The following TTC17 variants were observed in gnomAD, a reference collection of about 807,000 sequenced individuals.
TTC17 encodes tetratricopeptide repeat domain 17.
A neutral mutation model predicts 143.8 loss-of-function variants in TTC17; 58 were observed. That is an observed-to-expected ratio of 0.40 (90% CI 0.33 to 0.50). The LOEUF (loss-of-function observed/expected upper bound fraction) is 0.50. Among genes scored for constraint, TTC17 ranks in the 20% least tolerant of loss-of-function variants. The pLI is 0.49. For synonymous variants in TTC17, 501 were observed against 497.8 expected, an observed-to-expected ratio of 1.01 and a Z score of -0.09; for missense variants, 1,273 against 1,392.5, an observed-to-expected ratio of 0.91 and a Z score of 1.37.
intron 10 of TTC17, among the ~76,000 whole-genome samples, chr11:43,403,683 C>G (rs1460794623): frequency 7.4e-6 from 1 of 134,552 alleles, no homozygotes; most frequent in African/African-American, 2.5e-5. Context: ...AATAATGAAC[C>G]AGATTTCTCA....
intron 15 of TTC17, among the ~76,000 whole-genome samples, chr11:43,412,605 A>G (rs1858467737): frequency 3.3e-5 from 5 of 152,202 alleles, no homozygotes; most frequent in Admixed American, 3.3e-4. Context: ...CTGAAATCCC[A>G]AACATTCCAA....
At chr11:43,490,535 T>A (rs930570968) in intron 22 of TTC17, among the ~76,000 whole-genome samples, 177 bp downstream of exon 22, 5 of 152,206 alleles carry the variant, frequency 3.3e-5, no homozygotes, top group African/African-American at 4.8e-5. Flanking sequence ...CTATGAACTA[T>A]CCCTGCTGCC....
chr11:43,446,028 C>T (rs2134738930), intron 18 of TTC17: 5 of 1,531,396 alleles, frequency 3.3e-6, no homozygotes, highest in Non-Finnish European at 3.5e-6. Flanking sequence ...CCTTGTGAAC[C>T]AGATGGAGAG....
intron 1 of TTC17, 73 bp downstream of exon 1, chr11:43,359,186 C>T (rs1855987832): frequency 1.4e-6 from 2 of 1,446,782 alleles, no homozygotes; most frequent in South Asian, 1.4e-5. Context: ...TGGCCCCTGG[C>T]TGTTGGGCTC....
intron 6 of TTC17, 54 bp downstream of exon 6, chr11:43,396,872 A>G: frequency 9.0e-7 from 1 of 1,112,912 alleles, no homozygotes; most frequent in East Asian, 2.4e-5. Context: ...GGACTGTTAA[A>G]GAAACAATAC....
chr11:43,404,261 A>G, intron 11 of TTC17, 117 bp downstream of exon 11: 1 of 926,172 alleles, frequency 1.1e-6, no homozygotes, highest in Admixed American at 2.9e-5. Flanking sequence ...TAGTTCAGCA[A>G]ACGTGTAGTA....
intron 21 of TTC17, among the ~76,000 whole-genome samples, chr11:43,463,248 C>T (rs1206322684): frequency 6.6e-6 from 1 of 151,920 alleles, no homozygotes; most frequent in Non-Finnish European, 1.5e-5. Context: ...AAGGAAGGAA[C>T]ATTTATCATA....
Position 43,389,363 on chromosome 11 carries a change from G to A in TTC17, c.250-289G>A, listed in dbSNP as rs551247705. On this transcript the variant is annotated intron_variant, in intron 2 of 23. Coordinates refer to ENST00000039989, the MANE Select transcript of TTC17 (RefSeq NM_018259.6). ...TGTTTTCACTGCAGAGCCATTTTGT[G>A]CCAGGAAAGTTAAGTTAGTAGATGT... Among the ~76,000 whole-genome samples, 4 of 152,284 alleles carry A rather than the reference G, an allele frequency of 2.6e-5. No individual in the cohort carries two copies. The East Asian group carries it at 7.7e-4, about 29-fold the overall frequency.
At chr11:43,414,138 A>T (rs1214743600) in intron 15 of TTC17, among the ~76,000 whole-genome samples, 1 of 152,178 alleles carries the variant, frequency 6.6e-6, no homozygotes, top group Non-Finnish European at 1.5e-5. Context: ...AGCATGAATG[A>T]ATTTTAGATT....
chr11:43,391,811 T>G lies in TTC17; in HGVS notation c.532-10T>G. On this transcript the variant is annotated splice_polypyrimidine_tract_variant and intron_variant, in intron 4 of 23. Transcript: ENST00000039989. ...TTGATATGTCTTTTGAATCTTTTTC[T>G]TCTCTTCAGGGTGTACAGGAGAGAG... 1 of 1,608,912 alleles carries G rather than the reference T, an allele frequency of 6.2e-7. No homozygotes were observed. Among genetic ancestry groups the G allele is most frequent in the South Asian group, 1.1e-5 (1 of 89,434 alleles).
intron 16 of TTC17, among the ~76,000 whole-genome samples, chr11:43,440,767 T>A (rs1396310008): frequency 1.3e-5 from 2 of 152,174 alleles, no homozygotes; most frequent in Non-Finnish European, 2.9e-5. Context: ...AGAGGCTCCC[T>A]TTACAACAAA....
At position 43,389,655 on chromosome 11, in the gene TTC17, C is replaced by A; in HGVS notation, c.253C>A (p.Gln85Lys). Residue 85 changes from glutamine to lysine, a missense_variant, in exon 3 of 24, where the codon CAA becomes AAA. Physicochemically the swap from Gln to Lys is moderately conservative, Grantham distance 53. Transcript: ENST00000039989. The part of the protein sequence containing the change: ...TVNYLKELEK[Q>K]LVAQKIHIEE... ...GTTCTTACTTTCTTCTCAACAGAAA[C>A]AATTAGTTGCTCAAAAAATTCACAT... 6.2e-7 allele frequency: 1 copy of A among 1,605,068 alleles called. No homozygotes were observed. Among genetic ancestry groups the A allele is most frequent in the Non-Finnish European group, 8.5e-7 (1 of 1,176,894 alleles).
chr11:43,369,392 A>G (rs897169420), intron 1 of TTC17, among the ~76,000 whole-genome samples: 1 of 152,192 alleles, frequency 6.6e-6, no homozygotes, highest in African/African-American at 2.4e-5. Flanking sequence ...TTTTATGTAA[A>G]TTTACAGCTG....
At chr11:43,388,132 A>G (rs1168029689) in intron 2 of TTC17, among the ~76,000 whole-genome samples, 1 of 152,202 alleles carries the variant, frequency 6.6e-6, no homozygotes. Context: ...TTATAAGAAT[A>G]TAGTAGCATT....
intron 16 of TTC17, among the ~76,000 whole-genome samples, chr11:43,426,270 G>A (rs1947025601): frequency 6.6e-6 from 1 of 152,248 alleles, no homozygotes. Flanking sequence ...GACTGAGTAA[G>A]ATCCTGGAAA....
At chr11:43,414,888 C>A (rs72900941) in intron 16 of TTC17, 112 bp downstream of exon 16, 19,742 of 1,162,408 alleles carry the variant, frequency 0.017, 205 homozygotes, top group Non-Finnish European at 0.021. Context: ...TTTAGATAAC[C>A]AGTATAATTC....
chr11:43,397,477 G>A lies in TTC17; in HGVS notation c.904G>A (p.Gly302Arg). Reference protein sequence around the residue: ...SDFFTSYYTLGNIYAMLGEYN... With the variant: ...SDFFTSYYTLRNIYAMLGEYN... ...CTTCTTCACCAGCTATTACACTTTG[G>A]GGAATATATATGCAGTAAGTACTAC... Residue 302 changes from glycine to arginine, a missense_variant, in exon 7 of 24, where the codon GGG (glycine) becomes AGG (arginine). Physicochemically the swap from Gly to Arg is moderately radical, Grantham distance 125. Coordinates refer to ENST00000039989, the MANE Select transcript of TTC17 (RefSeq NM_018259.6). 6.2e-7 allele frequency: 1 copy of A among 1,611,732 alleles called. No individual in the cohort carries two copies. The highest frequency in any genetic ancestry group is 1.1e-5 in the South Asian group (1 of 90,984).
intron 2 of TTC17, among the ~76,000 whole-genome samples, chr11:43,383,245 A>G (rs1013386712): frequency 6.6e-6 from 1 of 152,152 alleles, no homozygotes; most frequent in Non-Finnish European, 1.5e-5. Flanking sequence ...AGAGAGAGAG[A>G]GAGTGGTATC....
At chr11:43,362,462 T>C (rs1159160903) in intron 1 of TTC17, among the ~76,000 whole-genome samples, 1 of 152,154 alleles carries the variant, frequency 6.6e-6, no homozygotes, top group Non-Finnish European at 1.5e-5. Flanking sequence ...GCGTATGTAT[T>C]GGAAATGGTA....
Sources: allele counts gnomAD v4.1 joint callset (sites outside exome capture counted in the v4.1 genomes callset), GRCh38; gene constraint gnomAD v4.1.1; transcripts MANE v1.5; gene names NCBI Gene and HGNC (gene_info 2026-07-23, HGNC 2026-07-21).